Variants in ADAMTSL4 observed in about 807,000 individuals in gnomAD.
ADAMTSL4 encodes ADAMTS like 4, also known as ADAMTS-like protein 4.
In ADAMTSL4, 97 loss-of-function variants were observed where a neutral mutation model predicts 122.8. The observed-to-expected ratio is 0.79, with a 90% CI of 0.67 to 0.93. The LOEUF is 0.93. Among genes scored for constraint, ADAMTSL4 ranks in the 40% least tolerant of loss-of-function variants. The pLI is 0.00. For missense variants in ADAMTSL4, 1,408 were observed against 1,453.5 expected (o/e 0.97, Z 0.51); for synonymous variants, 592 against 568.0 (o/e 1.04, Z -0.60).
intron 2 of ADAMTSL4, chr1:150,550,351 T>TGGGGGGGG: frequency 9.3e-6 from 2 of 214,004 alleles, no homozygotes; most frequent in South Asian, 2.8e-5. Flanking sequence ...CAGGGGAGGG[T>TGGGGGGGG]GGGGTGGGAC....
Position 150,554,263 on chromosome 1 carries a change from C to T in ADAMTSL4, c.1132-102C>T. 6.9e-7 allele frequency: 1 copy of T among 1,443,028 alleles called. No homozygotes were observed. Among genetic ancestry groups the T allele is most frequent in the Non-Finnish European group, 9.7e-7 (1 of 1,032,976 alleles). 89.4% of individuals were successfully genotyped at this position (1,443,028 alleles called of 1,614,324 possible). On this transcript the variant is annotated intron_variant, in intron 6 of 18. Transcript: ENST00000271643. The surrounding 1 kb of genome is among the most constrained non-coding windows in gnomAD (Gnocchi z 4.0). ...CCACCTCAGGGCAGGGGTCTTGGAG[C>T]TCTTCCGCTGACCTGAGCCTCCCAC...
chr1:150,554,685 C>T lies in ADAMTSL4; in HGVS notation c.1234+218C>T. On this transcript the variant is annotated intron_variant, in intron 7 of 18. Transcript: ENST00000271643. The surrounding 1 kb of genome is among the most constrained non-coding windows in gnomAD (Gnocchi z 4.0). Reference sequence around the variant, plus strand: ...GTGGGAGGAGGAGGTGTGGGAGACACGCTTTGTCCGGACTCCCCTGGGAAG... The same window carrying T: ...GTGGGAGGAGGAGGTGTGGGAGACATGCTTTGTCCGGACTCCCCTGGGAAG... 11 of 1,527,742 alleles carry T rather than the reference C, an allele frequency of 7.2e-6. No homozygotes were observed. The highest frequency in any genetic ancestry group is 2.4e-5 in the South Asian group (2 of 83,512). The allele number at this position is 1,527,742 out of a possible 1,614,324, so 94.6% of individuals were successfully genotyped here. A position where few individuals can be genotyped will look rare whatever the true frequency, so the allele number is the denominator to read the frequency against.
chr1:150,555,627 A>G, intron 8 of ADAMTSL4, 62 bp downstream of exon 8: 1 of 1,579,502 alleles, frequency 6.3e-7, no homozygotes, highest in South Asian at 1.1e-5. Context: ...ACATGCCCCC[A>G]TATGCATACA....
Position 150,553,262 on chromosome 1 carries a change from C to G in ADAMTSL4, c.434+9C>G, listed in dbSNP as rs1671625535. The G allele has an allele frequency of 6.2e-7, 1 of 1,610,292 alleles. No individual in the cohort carries two copies. Among genetic ancestry groups the G allele is most frequent in the African/African-American group, 1.3e-5 (1 of 74,848 alleles). On this transcript the variant is annotated intron_variant, in intron 5 of 18. Transcript: ENST00000271643. The stretch of plus-strand genomic sequence containing the variant: ...ATTCGAGCGGCCAGGAGGTGAGAGG[C>G]CTGGGTGGAAGAGGTGGGCCTTGGG...
At position 150,552,519 on chromosome 1, in the gene ADAMTSL4, C is replaced by T. The variant is rs750599147; in HGVS notation, c.21-24C>T. On this transcript the variant is annotated intron_variant, in intron 3 of 18. Transcript: ENST00000271643. This position sits in a 1 kb window ranked among gnomAD's most constrained non-coding sequence, Gnocchi z 4.0. ...CCCCCTCTGGCTCCAGTCTGACGTC[C>T]CTCCCCTGGCCTTTGGTTTGCAGGC... 6.2e-7 allele frequency: 1 copy of T among 1,614,002 alleles called. No individual in the cohort carries two copies. The highest frequency in any genetic ancestry group is 1.1e-5 in the South Asian group (1 of 91,074).
Position 150,560,050 on chromosome 1 carries a change from C to T in ADAMTSL4, c.3089-10C>T, listed in dbSNP as rs760948110. On this transcript the variant is annotated splice_polypyrimidine_tract_variant and intron_variant, in intron 18 of 18. Transcript: ENST00000271643. ...ACTCTCTTGTGCCCACTGGCCTCCTCTGTCCCCAGATGATCAATGCAAGGA... is the reference window on the plus strand; with the variant it reads ...ACTCTCTTGTGCCCACTGGCCTCCTTTGTCCCCAGATGATCAATGCAAGGA... The T allele has an allele frequency of 6.2e-6, 10 of 1,614,140 alleles. No homozygotes were observed. The highest frequency in any genetic ancestry group is 7.6e-6 in the Non-Finnish European group (9 of 1,180,034).
chr1:150,555,900 G>A, intron 8 of ADAMTSL4: 2 of 606,816 alleles, frequency 3.3e-6, no homozygotes, highest in South Asian at 3.8e-5. Flanking sequence ...TATTTGCACA[G>A]TCTCAATTCA....
At position 150,557,952 on chromosome 1, in the gene ADAMTSL4, G is replaced by A. The variant is rs1560300548; in HGVS notation, c.2185G>A (p.Ala729Thr). 1 of 1,606,708 alleles carries A rather than the reference G, an allele frequency of 6.2e-7. No individual in the cohort carries two copies. Among genetic ancestry groups the A allele is most frequent in the Non-Finnish European group, 8.5e-7 (1 of 1,179,676 alleles). ...CCCTGCTGGTGCCTGCAGCTGGGAG[G>A]CTGGCGAGTGGACATCCTGCAGCCG... ...HGTPCPPYWE[A>T]GEWTSCSRSC... Residue 729 changes from alanine to threonine, a missense_variant, in exon 14 of 19, where the codon GCT becomes ACT. By Grantham distance (58) the Ala-to-Thr change is moderately conservative. Transcript: ENST00000271643.
Position 150,554,589 on chromosome 1 carries a change from G to C in ADAMTSL4, c.1234+122G>C. ...AGCCCCTCTGCTTCCCCTGCGCCATGCCTTCTTTCTTCTCCCTGGGGCTGG... is the reference window on the plus strand; with the variant it reads ...AGCCCCTCTGCTTCCCCTGCGCCATCCCTTCTTTCTTCTCCCTGGGGCTGG... On this transcript the variant is annotated intron_variant, in intron 7 of 18. Coordinates refer to ENST00000271643, the MANE Select transcript of ADAMTSL4 (RefSeq NM_019032.6). The surrounding 1 kb of genome is among the most constrained non-coding windows in gnomAD (Gnocchi z 4.0). The C allele has an allele frequency of 1.3e-6, 2 of 1,552,444 alleles. No homozygotes were observed. The highest frequency in any genetic ancestry group is 1.7e-6 in the Non-Finnish European group (2 of 1,148,186).
Position 150,559,309 on chromosome 1 carries a change from G to C in ADAMTSL4, c.2786G>C (p.Gly929Ala). The C allele has an allele frequency of 6.2e-7, 1 of 1,614,030 alleles. No homozygotes were observed. Among genetic ancestry groups the C allele is most frequent in the Admixed American group, 1.7e-5 (1 of 60,022 alleles). Residue 929 changes from glycine (G) to alanine (A), a missense_variant, in exon 17 of 19, where the codon GGC becomes GCC. Gly to Ala is a moderately conservative substitution (Grantham distance 60). Coordinates refer to ENST00000271643, the MANE Select transcript of ADAMTSL4 (RefSeq NM_019032.6). This position sits in a 1 kb window ranked among gnomAD's most constrained non-coding sequence, Gnocchi z 4.1. ...TAGTGCTCCTCCGAATGTGGCTCTG[G>C]CACACAGCGTAGAGACATCATCTGT... The part of the protein sequence containing the change: ...WGECSSECGS[G>A]TQRRDIICVS...
intron 2 of ADAMTSL4, chr1:150,550,555 AG>A (rs369488750): frequency 2.4e-5 from 9 of 371,964 alleles, no homozygotes; most frequent in African/African-American, 1.1e-4. Flanking sequence ...GGGCATGAAG[AG>A]GGGTCGGCAT....
chr1:150,558,414 G>A, intron 14 of ADAMTSL4, 59 bp from the exon 15 acceptor site: 1 of 1,607,066 alleles, frequency 6.2e-7, no homozygotes, highest in Non-Finnish European at 8.5e-7. Flanking sequence ...GCCTAGAGCT[G>A]GAAGCTGGCT....
In ADAMTSL4 at chr1:150,559,400, C is replaced by G; in HGVS notation, c.2877C>G (p.Pro959=). The change falls in exon 17 of 19, where the codon CCC becomes CCG. Residue 959 remains proline (P), a synonymous_variant. Transcript: ENST00000271643. This position sits in a 1 kb window ranked among gnomAD's most constrained non-coding sequence, Gnocchi z 4.1. ...SPSNCSHLPR[P]PALQPCQGQA... ...GCAACTGTTCTCACCTCCCCAGGCC[C>G]CCTGCCCTGCAGCCCTGTCAAGGGC... The G allele has an allele frequency of 6.2e-7, 1 of 1,613,740 alleles. No homozygotes were observed. Among genetic ancestry groups the G allele is most frequent in the Non-Finnish European group, 8.5e-7 (1 of 1,180,012 alleles).
rs1671722503 is a variant in ADAMTSL4 at position 150,553,955 on chromosome 1, A to C, written c.964A>C (p.Thr322Pro). The C allele has an allele frequency of 6.2e-7, 1 of 1,608,034 alleles. No individual in the cohort carries two copies. Among genetic ancestry groups the C allele is most frequent in the Non-Finnish European group, 8.5e-7 (1 of 1,178,034 alleles). Residue 322 changes from threonine to proline, a missense_variant, in exon 6 of 19, where the codon ACT becomes CCT. Coordinates refer to ENST00000271643, the MANE Select transcript of ADAMTSL4 (RefSeq NM_019032.6). ...CCAAGGGCCTTGGGGAACGGGGGGG[A>C]CTCCTCACGGGCCCCGCCTGGAGCC... ...QGQGPWGTGG[T>P]PHGPRLEPDP...
intron 13 of ADAMTSL4, 35 bp downstream of exon 13, chr1:150,557,658 T>G: frequency 6.3e-7 from 1 of 1,584,510 alleles, no homozygotes; most frequent in South Asian, 1.1e-5. Flanking sequence ...AGGGTTAGGG[T>G]ACTGGAAACA....
chr1:150,557,712 C>G, intron 13 of ADAMTSL4, 89 bp downstream of exon 13: 1 of 1,444,360 alleles, frequency 6.9e-7, no homozygotes, highest in Non-Finnish European at 9.4e-7. Context: ...GCACTCAACG[C>G]AACATCTCCT....
At chr1:150,558,435 G>T in intron 14 of ADAMTSL4, 38 bp from the exon 15 acceptor site, 1 of 1,611,094 alleles carries the variant, frequency 6.2e-7, no homozygotes, top group South Asian at 1.1e-5. Context: ...GAGAAGGTCT[G>T]GGAAGCCCAG....
intron 2 of ADAMTSL4, chr1:150,550,196 T>G: frequency 2.2e-6 from 1 of 456,636 alleles, no homozygotes; most frequent in Non-Finnish European, 4.4e-6. Flanking sequence ...GGGTCTACTC[T>G]GGCACCAGAG....
chr1:150,559,703 G>C lies in ADAMTSL4; in HGVS notation c.2944-58G>C. On this transcript the variant is annotated intron_variant, in intron 17 of 18. Transcript: ENST00000271643. The surrounding 1 kb of genome is among the most constrained non-coding windows in gnomAD (Gnocchi z 4.1). ...TTTGGGGAGAGAGGTGGCAGCCAGG[G>C]GTTAAGGAGAATCCCGGGCCTGGCA... is the stretch of plus-strand genomic sequence containing the variant. 6.2e-7 allele frequency: 1 copy of C among 1,612,354 alleles called. No individual in the cohort carries two copies. The highest frequency in any genetic ancestry group is 1.1e-5 in the South Asian group (1 of 91,070).
Sources: gnomAD v4.1 joint callset for allele counts on GRCh38, gnomAD v4.1.1 for gene constraint, Gnocchi (gnomAD v3.1) non-coding constraint, MANE v1.5 for transcripts, NCBI Gene and HGNC (gene_info 2026-07-23, HGNC 2026-07-21) for gene names.